KIAA1549L: variants seen among roughly 807,000 people sequenced by gnomAD.
KIAA1549L encodes UPF0606 protein KIAA1549L.
A neutral mutation model predicts 160.7 loss-of-function variants in KIAA1549L; 88 were observed. That is an observed-to-expected ratio of 0.55 (90% CI 0.46 to 0.65). KIAA1549L has a LOEUF of 0.65. KIAA1549L is among the 30% of genes least tolerant of loss of function. KIAA1549L has a pLI of 0.00. For synonymous variants in KIAA1549L, 950 were observed against 976.7 expected, an observed-to-expected ratio of 0.97 and a Z score of 0.51; for missense variants, 2,258 against 2,437.5, an observed-to-expected ratio of 0.93 and a Z score of 1.55.
At position 33,544,125 on chromosome 11, in the gene KIAA1549L, A is replaced by C. The variant is rs1854143812; in HGVS notation, c.2562A>C (p.Thr854=). The C allele has an allele frequency of 6.2e-7, 1 of 1,613,880 alleles. No individual in the cohort carries two copies. Among genetic ancestry groups the C allele is most frequent in the Non-Finnish European group, 8.5e-7 (1 of 1,179,902 alleles). Residue 854 remains threonine (T), a synonymous_variant, in exon 2 of 21, where the codon ACA becomes ACC. Transcript: ENST00000658780. ...TAACCTCACCAGGACCAACTTCTAC[A>C]GGTAGCTTGCAGGAAATGCTTTCAG... ...LLLTSPGPTS[T]GSLQEMLSDG...
In KIAA1549L at chr11:33,530,429, AAAAAAAAATATATATAT is replaced by A. The variant is rs1259638983; in HGVS notation, c.239-11371_239-11355del. The stretch of plus-strand genomic sequence containing the variant: ...GAAGAAGAAGGAAAAAAAAAAAAAA[AAAAAAAAATATATATAT>A]ATATATATATATATATATATATATA... On this transcript the variant is annotated intron_variant, in intron 1 of 20. Coordinates refer to ENST00000658780, the MANE Select transcript of KIAA1549L (RefSeq NM_012194.3). Among the ~76,000 whole-genome samples, 76 of 19,128 alleles carry A rather than the reference AAAAAAAAATATATATAT, an allele frequency of 4.0e-3. 5 individuals carry two copies. The highest frequency in any genetic ancestry group is 7.6e-3 in the African/African-American group (49 of 6,466). The allele number at this position is 19,128 out of a possible 152,430, so 12.5% of individuals were successfully genotyped here.
intron 1 of KIAA1549L, among the ~76,000 whole-genome samples, chr11:33,479,095 T>TC (rs1199510992): frequency 5.3e-5 from 8 of 151,654 alleles, no homozygotes; most frequent in Non-Finnish European, 1.0e-4. Flanking sequence ...CAGATATTTT[T>TC]TCACCAGTGC....
intron 1 of KIAA1549L, among the ~76,000 whole-genome samples, chr11:33,457,430 T>G (rs532369563): frequency 1.3e-5 from 2 of 152,232 alleles, no homozygotes. Flanking sequence ...TTTAACATCC[T>G]GTTACCCAAA....
chr11:33,531,160 A>G (rs1853759954), intron 1 of KIAA1549L, among the ~76,000 whole-genome samples: 1 of 152,188 alleles, frequency 6.6e-6, no homozygotes, highest in South Asian at 2.1e-4. Context: ...TGAAAGTGAA[A>G]TTCTATTACT....
intron 10 of KIAA1549L, among the ~76,000 whole-genome samples, chr11:33,582,871 G>A (rs1475996219): frequency 2.0e-5 from 3 of 152,130 alleles, no homozygotes; most frequent in Non-Finnish European, 4.4e-5. Context: ...CATTTTACTC[G>A]TTGCTCACTC....
intron 1 of KIAA1549L, among the ~76,000 whole-genome samples, chr11:33,540,417 C>G (rs1405627721): frequency 8.5e-5 from 13 of 152,126 alleles, no homozygotes; most frequent in Non-Finnish European, 1.9e-4. Flanking sequence ...GCAAAAGTAC[C>G]TTATACAGAT....
At chr11:33,503,803 T>C (rs1302202867) in intron 1 of KIAA1549L, among the ~76,000 whole-genome samples, 1 of 152,236 alleles carries the variant, frequency 6.6e-6, no homozygotes, top group Non-Finnish European at 1.5e-5. Flanking sequence ...CACCTCACAA[T>C]TCTGTGAATG....
At chr11:33,492,381 A>G (rs755212686) in intron 1 of KIAA1549L, among the ~76,000 whole-genome samples, 48 of 152,084 alleles carry the variant, frequency 3.2e-4, no homozygotes, top group Non-Finnish European at 4.6e-4. Context: ...AAACCCCAAA[A>G]AGAACAATTT....
At chr11:33,550,427 A>G (rs1854420331) in intron 4 of KIAA1549L, among the ~76,000 whole-genome samples, 1 of 152,170 alleles carries the variant, frequency 6.6e-6, no homozygotes. Context: ...AAGCCTGAAA[A>G]TCTTGCAGTT....
At chr11:33,381,509 G>A (rs1850073699) in intron 1 of KIAA1549L, among the ~76,000 whole-genome samples, 1 of 152,210 alleles carries the variant, frequency 6.6e-6, no homozygotes, top group East Asian at 1.9e-4. Flanking sequence ...AGCAAAGGGA[G>A]AGTAGTGAGA....
In KIAA1549L at chr11:33,561,684, T is replaced by C; in HGVS notation, c.4027T>C (p.Tyr1343His). Residue 1343 changes from tyrosine (Y) to histidine (H), a missense_variant, in exon 8 of 21, where the codon TAT becomes CAT. By Grantham distance (83) the Tyr-to-His change is moderately conservative. This residue lies in a region of KIAA1549L where 1,359 missense variants were observed against 1,546.6 expected (regional missense o/e 0.88). Coordinates refer to ENST00000658780, the MANE Select transcript of KIAA1549L (RefSeq NM_012194.3). The stretch of plus-strand genomic sequence containing the variant: ...TTTCTTATTTGTTTTAGCACTGGAA[T>C]ATCCCAACCTTGACATATCAGAAAC... ...PPLTIAEPLEYPNLDISETTR... is the reference protein window; with the variant it reads ...PPLTIAEPLEHPNLDISETTR... 1 of 1,607,954 alleles carries C rather than the reference T, an allele frequency of 6.2e-7. No homozygotes were observed. Among genetic ancestry groups the C allele is most frequent in the Non-Finnish European group, 8.5e-7 (1 of 1,174,592 alleles).
At chr11:33,379,411 G>A (rs1348546976) in intron 1 of KIAA1549L, among the ~76,000 whole-genome samples, 3 of 152,020 alleles carry the variant, frequency 2.0e-5, no homozygotes, top group African/African-American at 7.3e-5. Flanking sequence ...TTCCATCTCC[G>A]TCTTCCGTCT....
chr11:33,615,545 A>G (rs764416230), intron 15 of KIAA1549L, among the ~76,000 whole-genome samples: 6 of 152,152 alleles, frequency 3.9e-5, no homozygotes, highest in African/African-American at 1.2e-4. Flanking sequence ...TTATTTTTAC[A>G]TAGATGCTTG....
At chr11:33,419,380 A>G (rs757132627) in intron 1 of KIAA1549L, among the ~76,000 whole-genome samples, 3 of 152,070 alleles carry the variant, frequency 2.0e-5, no homozygotes, top group Non-Finnish European at 4.4e-5. Context: ...TGCTTACACT[A>G]TGGATATGTT....
chr11:33,476,030 A>G (rs1225034232), intron 1 of KIAA1549L, among the ~76,000 whole-genome samples: 1 of 152,154 alleles, frequency 6.6e-6, no homozygotes, highest in African/African-American at 2.4e-5. Context: ...TAGATCACAC[A>G]CATGATCTTT....
chr11:33,618,585 A>T lies in KIAA1549L; in HGVS notation c.5332A>T (p.Ser1778Cys). 1 of 1,611,546 alleles carries T rather than the reference A, an allele frequency of 6.2e-7. No homozygotes were observed. The highest frequency in any genetic ancestry group is 8.5e-7 in the Non-Finnish European group (1 of 1,178,460). The change falls in exon 16 of 21, where the codon AGT becomes TGT. Residue 1778 changes from serine (S) to cysteine (C), a missense_variant. Around this residue, in one of 6 missense-constraint regions of KIAA1549L, gnomAD observed 1,359 missense variants for 1,546.6 expected, o/e 0.88. Transcript: ENST00000658780. ...AAGCCGGCAGTCTCTGAACAGCCCGAGTCCAGGGGAAACCGAGATGGACCT... is the reference window on the plus strand; with the variant it reads ...AAGCCGGCAGTCTCTGAACAGCCCGTGTCCAGGGGAAACCGAGATGGACCT... ...YRSRQSLNSP[S>C]PGETEMDLLV...
chr11:33,516,139 CTTTTTTTTTT>C (rs927894187), intron 1 of KIAA1549L, among the ~76,000 whole-genome samples: 1 of 43,300 alleles, frequency 2.3e-5, no homozygotes, highest in Non-Finnish European at 3.8e-5. Flanking sequence ...GGAGGTGATT[CTTTTTTTTTT>C]TTTTTTTTTT....
intron 16 of KIAA1549L, among the ~76,000 whole-genome samples, chr11:33,633,342 C>T (rs1851353494): frequency 6.6e-6 from 1 of 151,788 alleles, no homozygotes; most frequent in African/African-American, 2.4e-5. Flanking sequence ...AGGGAAAGAT[C>T]AGCGTGGTGT....
chr11:33,437,690 C>T lies in KIAA1549L; in HGVS notation c.238+60801C>T, dbSNP rs117588678. ...CCCACCTCCTATTGGTGGGGCCTCC[C>T]TTTACTAGCCTGCACTGCATGTTCT... On this transcript the variant is annotated intron_variant, in intron 1 of 20. Coordinates refer to ENST00000658780, the MANE Select transcript of KIAA1549L (RefSeq NM_012194.3). Among the ~76,000 whole-genome samples, 1,274 of 152,286 alleles carry T rather than the reference C, an allele frequency of 8.4e-3. 10 individuals carry two copies. The highest frequency in any genetic ancestry group is 0.015 in the Non-Finnish European group (1,001 of 68,016).
Sources: allele counts gnomAD v4.1 joint callset (sites outside exome capture counted in the v4.1 genomes callset), GRCh38; gene constraint gnomAD v4.1.1; regional missense constraint gnomAD v4.1.1; transcripts MANE v1.5; gene names NCBI Gene and HGNC (gene_info 2026-07-23, HGNC 2026-07-21).